Variants in PCP4 observed in about 807,000 individuals in gnomAD.
PCP4 encodes the protein calmodulin regulator protein PCP4.
A neutral mutation model predicts 10.0 loss-of-function variants in PCP4; 8 were observed. The observed-to-expected ratio is 0.80, with a 90% CI of 0.47 to 1.45. The LOEUF is 1.45. PCP4 is among the 40% of genes most tolerant of loss of function. The pLI is 0.00. For missense variants in PCP4, 54 were observed against 74.4 expected (o/e 0.73, Z 1.01); for synonymous variants, 21 against 23.0 (o/e 0.91, Z 0.24).
rs1601192252 is a variant in PCP4 at position 39,929,195 on chromosome 21, A to G, written c.*84A>G. 1 of 1,395,332 alleles carries G rather than the reference A, an allele frequency of 7.2e-7. No homozygotes were observed. The highest frequency in any genetic ancestry group is 2.3e-5 in the East Asian group (1 of 43,178). The allele number at this position is 1,395,332 out of a possible 1,614,324, so 86.4% of individuals were successfully genotyped here. A position where few individuals can be genotyped will look rare whatever the true frequency, so the allele number is the denominator to read the frequency against. On this transcript the variant is annotated 3_prime_UTR_variant, in exon 3 of 3. Transcript: ENST00000328619. Reference sequence around the variant, plus strand: ...AAATTAAAAGAACAACACCCTAGAGAGAAGTCATCCACACACAATCCACAC... The same window carrying G: ...AAATTAAAAGAACAACACCCTAGAGGGAAGTCATCCACACACAATCCACAC...
intron 1 of PCP4, among the ~76,000 whole-genome samples, chr21:39,887,347 T>TC (rs397801261): frequency 7.1e-6 from 1 of 141,520 alleles, no homozygotes; most frequent in Non-Finnish European, 1.5e-5. Flanking sequence ...ACTTTTTTTT[T>TC]GTTTTTTGGT....
chr21:39,919,094 G>A (rs1453407556), intron 2 of PCP4, among the ~76,000 whole-genome samples: 3 of 152,152 alleles, frequency 2.0e-5, no homozygotes. Context: ...AAGGATAAAA[G>A]CAAGGTGCAA....
At chr21:39,915,769 C>T (rs1338585938) in intron 2 of PCP4, among the ~76,000 whole-genome samples, 1 of 152,220 alleles carries the variant, frequency 6.6e-6, no homozygotes, top group Non-Finnish European at 1.5e-5. Context: ...CTTTTTTCCA[C>T]TTACATCATA....
At chr21:39,894,517 G>A (rs2087448037) in intron 1 of PCP4, among the ~76,000 whole-genome samples, 1 of 152,162 alleles carries the variant, frequency 6.6e-6, no homozygotes, top group African/African-American at 2.4e-5. Flanking sequence ...TTTGTTTAGG[G>A]AGAACTTGTA....
At chr21:39,895,949 C>T (rs1348017530) in intron 1 of PCP4, among the ~76,000 whole-genome samples, 2 of 152,188 alleles carry the variant, frequency 1.3e-5, no homozygotes, top group Admixed American at 6.5e-5. Context: ...TCAATACTTT[C>T]AATAACGAGT....
chr21:39,925,699 C>G (rs1050857871), intron 2 of PCP4, among the ~76,000 whole-genome samples: 2 of 152,120 alleles, frequency 1.3e-5, no homozygotes, highest in African/African-American at 4.8e-5. Flanking sequence ...GAGGGCTTCC[C>G]TGTGGGTATC....
intron 2 of PCP4, among the ~76,000 whole-genome samples, chr21:39,900,705 C>A (rs1253195192): frequency 1.3e-5 from 2 of 152,042 alleles, no homozygotes; most frequent in African/African-American, 4.8e-5. Flanking sequence ...ATGGGATGGG[C>A]TGGGAATTCA....
chr21:39,873,304 A>T (rs1414797076), intron 1 of PCP4, among the ~76,000 whole-genome samples: 1 of 152,204 alleles, frequency 6.6e-6, no homozygotes, highest in African/African-American at 2.4e-5. Flanking sequence ...ACTCTGGCAT[A>T]TTGTTGAAGG....
At chr21:39,879,240 C>A (rs987010613) in intron 1 of PCP4, among the ~76,000 whole-genome samples, 33 of 152,050 alleles carry the variant, frequency 2.2e-4, no homozygotes, top group African/African-American at 8.0e-4. Flanking sequence ...CTGCTTGCCT[C>A]GGCCTCCCAA....
intron 1 of PCP4, among the ~76,000 whole-genome samples, chr21:39,890,397 C>T (rs551741776): frequency 6.6e-6 from 1 of 152,062 alleles, no homozygotes; most frequent in Non-Finnish European, 1.5e-5. Context: ...CTCTTGTTGC[C>T]CAGGCTGGAG....
At chr21:39,909,091 C>A (rs1034476216) in intron 2 of PCP4, among the ~76,000 whole-genome samples, 2 of 152,148 alleles carry the variant, frequency 1.3e-5, no homozygotes, top group Admixed American at 1.3e-4. Context: ...CAAGTACATT[C>A]TGAACGTTCA....
chr21:39,891,449 C>T (rs1038532364), intron 1 of PCP4, among the ~76,000 whole-genome samples: 1 of 152,214 alleles, frequency 6.6e-6, no homozygotes, highest in African/African-American at 2.4e-5. Flanking sequence ...CTCTGTGGAG[C>T]ACCTTGGATC....
chr21:39,890,322 A>G (rs2087423622), intron 1 of PCP4, among the ~76,000 whole-genome samples: 1 of 152,170 alleles, frequency 6.6e-6, no homozygotes, highest in Admixed American at 6.5e-5. Context: ...GGTCATTCCA[A>G]TCCTGTCTAT....
chr21:39,912,802 C>T (rs1278078517), intron 2 of PCP4, among the ~76,000 whole-genome samples: 1 of 152,040 alleles, frequency 6.6e-6, no homozygotes, highest in African/African-American at 2.4e-5. Flanking sequence ...CCTTGAACTC[C>T]CAGCTCAAGC....
Position 39,867,456 on chromosome 21 carries a change from T to C in PCP4, c.-46T>C. ...GTGGAGCAGCGACCCCTGAGCAGTGTTCTCTGTGCTGAGCGGCGGGACTGA... is the reference window on the plus strand; with the variant it reads ...GTGGAGCAGCGACCCCTGAGCAGTGCTCTCTGTGCTGAGCGGCGGGACTGA... On this transcript the variant is annotated 5_prime_UTR_variant, in exon 1 of 3. Transcript: ENST00000328619. The C allele has an allele frequency of 6.2e-7, 1 of 1,612,824 alleles. No homozygotes were observed. The highest frequency in any genetic ancestry group is 1.1e-5 in the South Asian group (1 of 91,050).
intron 1 of PCP4, among the ~76,000 whole-genome samples, chr21:39,896,534 A>G (rs550885410): frequency 7.2e-5 from 11 of 152,226 alleles, no homozygotes; most frequent in Non-Finnish European, 1.2e-4. Flanking sequence ...TATTTAAGAA[A>G]TGGTTTACCT....
intron 2 of PCP4, among the ~76,000 whole-genome samples, chr21:39,912,312 G>GTT (rs373532112): frequency 1.8e-4 from 22 of 121,772 alleles, no homozygotes; most frequent in East Asian, 1.5e-3. Context: ...CTTTTGAAAG[G>GTT]TTTTTTTTTT....
intron 1 of PCP4, among the ~76,000 whole-genome samples, chr21:39,875,901 A>G (rs900677285): frequency 7.2e-5 from 11 of 152,144 alleles, no homozygotes; most frequent in Non-Finnish European, 8.8e-5. Flanking sequence ...ACTTTTTGGT[A>G]ACTGTACTTC....
At chr21:39,898,233 T>C in intron 1 of PCP4, 1 of 539,346 alleles carries the variant, frequency 1.9e-6, no homozygotes, top group Non-Finnish European at 3.3e-6. Context: ...GTTTCTCTTG[T>C]TACTGGTGAC....
Sources: gnomAD v4.1 joint callset for allele counts (sites outside exome capture counted in the v4.1 genomes callset) on GRCh38, gnomAD v4.1.1 for gene constraint, MANE v1.5 for transcripts, NCBI Gene and HGNC (gene_info 2026-07-23, HGNC 2026-07-21) for gene names.